The following PCDHGA10 variants were observed in gnomAD, a reference collection of about 807,000 sequenced individuals.
PCDHGA10 encodes the protein protocadherin gamma subfamily A, 10, also known as protocadherin gamma-A10.
A neutral mutation model predicts 59.5 loss-of-function variants in PCDHGA10; 42 were observed. That is an observed-to-expected ratio of 0.71 (90% confidence interval 0.55 to 0.91). The LOEUF is 0.91. Among genes scored for constraint, PCDHGA10 ranks in the 40% least tolerant of loss-of-function variants. The probability of loss-of-function intolerance (pLI) is 0.00; values close to 1 mark genes in which losing one functional copy is unlikely to be tolerated. For missense variants in PCDHGA10, 1,111 were observed against 1,198.2 expected (o/e 0.93, Z 1.07); for synonymous variants, 511 against 517.2 (o/e 0.99, Z 0.16).
At chr5:141,418,594 C>A in intron 1 of PCDHGA10, 4 of 1,614,022 alleles carry the variant, frequency 2.5e-6, no homozygotes, top group Non-Finnish European at 3.4e-6. Context: ...TCAGCCAGGA[C>A]GTGTACAGGG....
intron 1 of PCDHGA10, among the ~76,000 whole-genome samples, chr5:141,464,913 A>T (rs1035542028): frequency 1.3e-4 from 19 of 151,426 alleles, no homozygotes; most frequent in Admixed American, 1.2e-3. Context: ...TAATTTTTTT[A>T]TTTTTTTGTA....
chr5:141,509,497 G>A (rs1167178592), intron 3 of PCDHGA10, among the ~76,000 whole-genome samples: 1 of 152,196 alleles, frequency 6.6e-6, no homozygotes, highest in Non-Finnish European at 1.5e-5. Flanking sequence ...TGGCATGCTG[G>A]ATGTGACGGT....
chr5:141,490,374 C>T lies in PCDHGA10; in HGVS notation c.2437-4433C>T, dbSNP rs1452417604. 1.2e-6 allele frequency: 2 copies of T among 1,614,082 alleles called. No homozygotes were observed. Among genetic ancestry groups the T allele is most frequent in the Middle Eastern group, 1.6e-4 (1 of 6,084 alleles). ...GGTTGTTTAATGTGCGAGACCGGGA[C>T]TCAGGTAGAAATGGTGAAGTGAGCC... On this transcript the variant is annotated intron_variant, in intron 1 of 3. Coordinates refer to ENST00000398610, the MANE Select transcript of PCDHGA10 (RefSeq NM_018913.3). This position sits in a 1 kb window ranked among gnomAD's most constrained non-coding sequence, Gnocchi z 5.4.
intron 1 of PCDHGA10, among the ~76,000 whole-genome samples, chr5:141,480,339 T>A (rs764049837): frequency 1.3e-4 from 20 of 152,010 alleles, no homozygotes; most frequent in Non-Finnish European, 2.4e-4. Context: ...TGCTTGAGCC[T>A]GGGAGGTTGA....
At chr5:141,450,679 G>A (rs2098690217) in intron 1 of PCDHGA10, among the ~76,000 whole-genome samples, 2 of 151,914 alleles carry the variant, frequency 1.3e-5, no homozygotes, top group Non-Finnish European at 2.9e-5. Context: ...TAGAAACGGG[G>A]TTTTGCCATG....
chr5:141,414,241 C>T lies in PCDHGA10; in HGVS notation c.1066C>T (p.Leu356=). 6.2e-7 allele frequency: 1 copy of T among 1,613,472 alleles called. No individual in the cohort carries two copies. The highest frequency in any genetic ancestry group is 8.5e-7 in the Non-Finnish European group (1 of 1,179,776). Residue 356 remains leucine, a synonymous_variant, in exon 1 of 4, where the codon CTA becomes TTA. Coordinates refer to ENST00000398610, the MANE Select transcript of PCDHGA10 (RefSeq NM_018913.3). ...DNSPELTITS[L]FSPVTEDSPL... ...CAGTCCAGAGCTGACCATCACGTCTCTATTTAGTCCAGTGACTGAAGATTC... is the reference window on the plus strand; with the variant it reads ...CAGTCCAGAGCTGACCATCACGTCTTTATTTAGTCCAGTGACTGAAGATTC...
chr5:141,446,917 C>G (rs979679080), intron 1 of PCDHGA10, among the ~76,000 whole-genome samples: 1 of 152,108 alleles, frequency 6.6e-6, no homozygotes, highest in South Asian at 2.1e-4. Flanking sequence ...TTTTATTTAT[C>G]TTCCTGATCT....
chr5:141,477,890 C>T lies in PCDHGA10; in HGVS notation c.2437-16917C>T, dbSNP rs202114426. ...TACCTCAGCTGGCCACCTAGTGTCA[C>T]GGGTGGTAGGCTGGGACGCGGATGC... is the stretch of plus-strand genomic sequence containing the variant. On this transcript the variant is annotated intron_variant, in intron 1 of 3. Coordinates refer to ENST00000398610, the MANE Select transcript of PCDHGA10 (RefSeq NM_018913.3). This position sits in a 1 kb window ranked among gnomAD's most constrained non-coding sequence, Gnocchi z 4.9. 9.9e-6 allele frequency: 16 copies of T among 1,614,086 alleles called. No individual in the cohort carries two copies. Among genetic ancestry groups the T allele is most frequent in the Admixed American group, 1.7e-5 (1 of 60,006 alleles).
intron 1 of PCDHGA10, chr5:141,423,752 G>T: frequency 6.2e-6 from 4 of 644,948 alleles, no homozygotes; most frequent in Non-Finnish European, 7.8e-6. Context: ...AAACTGTTTG[G>T]GGGGGGGGTG....
In PCDHGA10 at chr5:141,438,615, TATATATATATATATATATATACAC is replaced by T. The variant is rs1230398483; in HGVS notation, c.2436+23006_2436+23029del. ...ACATATATATATATATATATATATA[TATATATATATATATATATATACAC>T]ACACACACACACATATATGTATATA... is the stretch of plus-strand genomic sequence containing the variant. On this transcript the variant is annotated intron_variant, in intron 1 of 3. Transcript: ENST00000398610. Among the ~76,000 whole-genome samples the T allele has an allele frequency of 3.0e-3, 107 of 35,910 alleles. 2 individuals carry two copies. The highest frequency in any genetic ancestry group is 7.9e-3 in the African/African-American group (39 of 4,916). The allele number at this position is 35,910 out of a possible 152,430, so 23.6% of individuals were successfully genotyped here. A position where few individuals can be genotyped will look rare whatever the true frequency, so the allele number is the denominator to read the frequency against.
At chr5:141,467,564 G>A (rs926613546) in intron 1 of PCDHGA10, among the ~76,000 whole-genome samples, 5 of 152,152 alleles carry the variant, frequency 3.3e-5, no homozygotes, top group Admixed American at 3.3e-4. Flanking sequence ...TTCCCAAATG[G>A]CTATCCAGTT....
At chr5:141,423,362 T>G (rs1419859253) in intron 1 of PCDHGA10, 1 of 1,614,112 alleles carries the variant, frequency 6.2e-7, no homozygotes, top group African/African-American at 1.3e-5. Flanking sequence ...GTCATCGTGC[T>G]GCTGGCACTC....
Position 141,485,256 on chromosome 5 carries a change from G to A in PCDHGA10, c.2437-9551G>A, listed in dbSNP as rs770176450. The A allele has an allele frequency of 6.2e-7, 1 of 1,614,186 alleles. No homozygotes were observed. Among genetic ancestry groups the A allele is most frequent in the Non-Finnish European group, 8.5e-7 (1 of 1,179,996 alleles). On this transcript the variant is annotated intron_variant, in intron 1 of 3. Transcript: ENST00000398610. The surrounding 1 kb of genome is among the most constrained non-coding windows in gnomAD (Gnocchi z 5.7). ...CTCTTTTACCACCTGGGTTACGTTTGTGGGCAGATCCGCTACCCGGTCCCA... is the reference window on the plus strand; with the variant it reads ...CTCTTTTACCACCTGGGTTACGTTTATGGGCAGATCCGCTACCCGGTCCCA...
chr5:141,496,795 T>C (rs886559302), intron 2 of PCDHGA10, among the ~76,000 whole-genome samples: 27 of 151,976 alleles, frequency 1.8e-4, no homozygotes, highest in Middle Eastern at 3.4e-3. Flanking sequence ...GTGCTAAACA[T>C]TGGGCTATAG....
Position 141,511,015 on chromosome 5 carries a change from C to A in PCDHGA10, c.2653C>A (p.Pro885Thr). Residue 885 changes from proline (P) to threonine (T), a missense_variant, in exon 4 of 4, where the codon CCC becomes ACC. Coordinates refer to ENST00000398610, the MANE Select transcript of PCDHGA10 (RefSeq NM_018913.3). ...GTMGLSARYG[P>T]QFTLQHVPDY... ...CATGGGATTGAGCGCCCGCTACGGA[C>A]CCCAGTTCACCCTGCAGCACGTGCC... 6.2e-7 allele frequency: 1 copy of A among 1,614,224 alleles called. No individual in the cohort carries two copies. The highest frequency in any genetic ancestry group is 8.5e-7 in the Non-Finnish European group (1 of 1,180,038).
At chr5:141,428,836 C>T (rs926107154) in intron 1 of PCDHGA10, 1 of 150,686 alleles carries the variant, frequency 6.6e-6, no homozygotes, top group African/African-American at 2.5e-5. Context: ...ATTTTTGAAA[C>T]ATTTTCACCA....
intron 1 of PCDHGA10, among the ~76,000 whole-genome samples, chr5:141,437,339 T>A (rs1008090968): frequency 3.3e-5 from 5 of 152,262 alleles, no homozygotes; most frequent in Non-Finnish European, 7.3e-5. Context: ...GTAGCTTCAC[T>A]GTTTTATAGT....
In PCDHGA10 at chr5:141,418,521, C is replaced by G. The variant is rs1246716171; in HGVS notation, c.2436+2910C>G. The G allele has an allele frequency of 3.7e-6, 6 of 1,613,840 alleles. No individual in the cohort carries two copies. The Admixed American group carries it at 1.0e-4, about 27-fold the overall frequency. On this transcript the variant is annotated intron_variant, in intron 1 of 3. Coordinates refer to ENST00000398610, the MANE Select transcript of PCDHGA10 (RefSeq NM_018913.3). ...ACCGCCTTAGATGGTGGGGACCCTC[C>G]CCGAAGCGGTACTGCTCAGATAAGA...
chr5:141,439,458 C>T (rs2098114160), intron 1 of PCDHGA10, among the ~76,000 whole-genome samples: 1 of 152,214 alleles, frequency 6.6e-6, no homozygotes, highest in East Asian at 1.9e-4. Flanking sequence ...AGCAAGACTG[C>T]ACTGCTGCCT....
Sources: allele counts gnomAD v4.1 joint callset (sites outside exome capture counted in the v4.1 genomes callset), GRCh38; gene constraint gnomAD v4.1.1; non-coding constraint Gnocchi (gnomAD v3.1); transcripts MANE v1.5; gene names NCBI Gene and HGNC (gene_info 2026-07-23, HGNC 2026-07-21).